RIPOR2: variants seen among roughly 807,000 people sequenced by gnomAD.
RIPOR2 encodes the protein rho family-interacting cell polarization regulator 2.
Under a neutral mutation model 114.5 loss-of-function variants are expected in RIPOR2, and 39 were observed. The observed-to-expected ratio is 0.34, with a 90% confidence interval of 0.26 to 0.44. The LOEUF (loss-of-function observed/expected upper bound fraction) is 0.44, where lower values mean the gene tolerates loss of function less well. RIPOR2 is among the 20% of genes least tolerant of loss of function. The probability of loss-of-function intolerance (pLI) is 1.00; values close to 1 mark genes in which losing one functional copy is unlikely to be tolerated. For synonymous variants in RIPOR2, 445 were observed against 484.4 expected, an observed-to-expected ratio of 0.92 and a Z score of 1.07; for missense variants, 1,007 against 1,255.1, an observed-to-expected ratio of 0.80 and a Z score of 2.99.
intron 1 of RIPOR2, among the ~76,000 whole-genome samples, chr6:25,002,346 A>G (rs1775359842): frequency 1.3e-5 from 2 of 152,232 alleles, no homozygotes; most frequent in South Asian, 4.1e-4. Context: ...TAGACTCTAC[A>G]TTCATAAAAA....
chr6:24,924,442 C>T (rs1349879584), intron 1 of RIPOR2, among the ~76,000 whole-genome samples: 1 of 152,154 alleles, frequency 6.6e-6, no homozygotes, highest in Non-Finnish European at 1.5e-5. Flanking sequence ...TGGACGCTTG[C>T]TGTGTGCTAT....
rs111218819 is a variant in RIPOR2 at position 24,927,171 on chromosome 6, C to T, written c.61+8667G>A. On this transcript the variant is annotated intron_variant, in intron 1 of 21. Coordinates refer to ENST00000643898, the MANE Select transcript of RIPOR2 (RefSeq NM_001286445.3). ...CCACCACCACCACCACAACTACAATCACCACCACCATGACCACCACCACAA... is the reference window on the plus strand; with the variant it reads ...CCACCACCACCACCACAACTACAATTACCACCACCATGACCACCACCACAA... Among the ~76,000 whole-genome samples the T allele has an allele frequency of 1.5e-3, 7 of 4,606 alleles. 2 individuals carry two copies. In the South Asian group the frequency reaches 0.022, roughly 15 times the overall value. The allele number at this position is 4,606 out of a possible 152,430, so 3.0% of individuals were successfully genotyped here. A position where few individuals can be genotyped will look rare whatever the true frequency, so the allele number is the denominator to read the frequency against.
intron 1 of RIPOR2, among the ~76,000 whole-genome samples, chr6:24,946,689 G>A (rs1772431131): frequency 6.6e-6 from 1 of 152,164 alleles, no homozygotes; most frequent in Non-Finnish European, 1.5e-5. Context: ...GGGTTCCTGG[G>A]GGAGCCAAAA....
At chr6:24,848,278 G>T (rs1021301622) in intron 11 of RIPOR2, 124 bp from the exon 12 acceptor site, 15 of 972,458 alleles carry the variant, frequency 1.5e-5, no homozygotes, top group African/African-American at 3.3e-5. Context: ...GAACTGGGCT[G>T]GTTTTAGCTA....
upstream of RIPOR2, among the ~76,000 whole-genome samples, chr6:24,937,825 T>C (rs1270167779): frequency 6.6e-6 from 1 of 152,138 alleles, no homozygotes; most frequent in African/African-American, 2.4e-5. Flanking sequence ...CAGAGCTCAC[T>C]CTGTTACCTC....
At chr6:24,860,923 G>T in intron 8 of RIPOR2, 50 bp downstream of exon 8, 1 of 1,218,490 alleles carries the variant, frequency 8.2e-7, no homozygotes, top group African/African-American at 1.5e-5. Flanking sequence ...AAGGAGCTCT[G>T]CACTCTGCAG....
intron 1 of RIPOR2, among the ~76,000 whole-genome samples, chr6:24,981,174 A>G (rs2113583023): frequency 6.6e-6 from 1 of 152,316 alleles, no homozygotes; most frequent in Middle Eastern, 3.4e-3. Flanking sequence ...GCTGCTTTCT[A>G]TGTCCTGTGA....
chr6:25,007,105 T>C (rs1169596242), intron 1 of RIPOR2, among the ~76,000 whole-genome samples: 2 of 151,766 alleles, frequency 1.3e-5, no homozygotes, highest in Non-Finnish European at 2.9e-5. Flanking sequence ...GTTTTGGCTA[T>C]GGTGACATGG....
chr6:24,949,579 G>A (rs1168540948), intron 1 of RIPOR2, among the ~76,000 whole-genome samples: 3 of 152,236 alleles, frequency 2.0e-5, no homozygotes, highest in Admixed American at 2.0e-4. Context: ...GAGAAAATGG[G>A]CAGGAGTAAA....
At chr6:24,846,138 A>G (rs1337145574) in intron 12 of RIPOR2, among the ~76,000 whole-genome samples, 4 of 152,164 alleles carry the variant, frequency 2.6e-5, no homozygotes, top group African/African-American at 9.7e-5. Context: ...CCTGTAGCAC[A>G]TGAACATATG....
chr6:24,894,463 C>T (rs1767657196), intron 1 of RIPOR2, among the ~76,000 whole-genome samples: 1 of 152,220 alleles, frequency 6.6e-6, no homozygotes. Flanking sequence ...TATCTCCATT[C>T]TCCTTTAGCT....
At chr6:25,005,738 T>TATACACACATAC (rs1554130560) in intron 1 of RIPOR2, among the ~76,000 whole-genome samples, 5 of 70,700 alleles carry the variant, frequency 7.1e-5, no homozygotes, top group African/African-American at 2.1e-4. Context: ...TATATATATA[T>TATACACACATAC]ATACATTTAC....
chr6:25,010,458 G>T (rs80280680), intron 1 of RIPOR2, among the ~76,000 whole-genome samples: 7,322 of 152,232 alleles, frequency 0.048, 379 homozygotes, highest in African/African-American at 0.13. Context: ...GCGGAACCAT[G>T]AGCCAGATAA....
intron 6 of RIPOR2, among the ~76,000 whole-genome samples, chr6:24,867,111 G>A (rs916897954): frequency 2.0e-5 from 3 of 152,210 alleles, no homozygotes; most frequent in Non-Finnish European, 4.4e-5. Flanking sequence ...AGGATTCTTT[G>A]TTGCTATTTA....
At position 24,872,819 on chromosome 6, in the gene RIPOR2, T is replaced by A; in HGVS notation, c.423+62A>T. On this transcript the variant is annotated intron_variant, in intron 4 of 21. Coordinates refer to ENST00000643898, the MANE Select transcript of RIPOR2 (RefSeq NM_001286445.3). ...AACATTCCTCCCCAGCCCCATCCAGTAAAAGAAGCTATTTGGCTAAAAAGA... is the reference window on the plus strand; with the variant it reads ...AACATTCCTCCCCAGCCCCATCCAGAAAAAGAAGCTATTTGGCTAAAAAGA... The A allele has an allele frequency of 2.7e-6, 3 of 1,122,206 alleles. No individual in the cohort carries two copies. In the South Asian group the frequency reaches 3.8e-5, roughly 14 times the overall value. The allele number at this position is 1,122,206 out of a possible 1,614,324, so 69.5% of individuals were successfully genotyped here. A position where few individuals can be genotyped will look rare whatever the true frequency, so the allele number is the denominator to read the frequency against.
intron 1 of RIPOR2, among the ~76,000 whole-genome samples, chr6:24,916,005 G>C (rs986351641): frequency 6.6e-6 from 1 of 152,198 alleles, no homozygotes; most frequent in Non-Finnish European, 1.5e-5. Flanking sequence ...TCGATGCCTG[G>C]GTTCTATTTT....
Position 24,969,146 on chromosome 6 carries a change from C to T in RIPOR2, c.76+72705G>A, listed in dbSNP as rs574057084. 6.6e-5 allele frequency among the ~76,000 whole-genome samples: 10 copies of T among 152,310 alleles called. No individual in the cohort carries two copies. The East Asian group carries it at 1.2e-3, about 18-fold the overall frequency. ...GGTCTTGTTAAACCACAGATCTTTG[C>T]GCCCCACCCAGTAGTCCTGGGAGGA... is the stretch of plus-strand genomic sequence containing the variant. On this transcript the variant is annotated intron_variant, in intron 1 of 13. Coordinates refer to the RIPOR2 transcript ENST00000510784.
intron 1 of RIPOR2, chr6:25,015,270 G>T (rs1775916201): frequency 6.6e-6 from 1 of 152,222 alleles, no homozygotes; most frequent in East Asian, 1.9e-4. Context: ...AGGGAAAATT[G>T]TCTGGCAAAG....
chr6:24,946,625 C>T (rs1449428155), intron 1 of RIPOR2, among the ~76,000 whole-genome samples: 1 of 151,668 alleles, frequency 6.6e-6, no homozygotes, highest in Non-Finnish European at 1.5e-5. Context: ...GCAGATCTCA[C>T]ATTGAGCAGA....
Sources: gnomAD v4.1 joint callset for allele counts (sites outside exome capture counted in the v4.1 genomes callset) on GRCh38, gnomAD v4.1.1 for gene constraint, MANE v1.5 for transcripts, NCBI Gene and HGNC (gene_info 2026-07-23, HGNC 2026-07-21) for gene names.